The following PTH1R variants were observed in gnomAD, a reference collection of about 807,000 sequenced individuals.
PTH1R encodes parathyroid hormone/parathyroid hormone-related peptide receptor.
In PTH1R, 32 loss-of-function variants were observed where a neutral mutation model predicts 70.7. The observed-to-expected ratio is 0.45, with a 90% confidence interval of 0.34 to 0.61. The LOEUF is 0.61. Among genes scored for constraint, PTH1R ranks in the 20% least tolerant of loss-of-function variants. PTH1R has a pLI of 0.01. For missense variants in PTH1R, 626 were observed against 792.5 expected (o/e 0.79, Z 2.52); for synonymous variants, 329 against 324.8 (o/e 1.01, Z -0.14).
Position 46,901,614 on chromosome 3 carries a change from C to A in PTH1R, c.1116+134C>A. ...AGAGCTACAGAGGCCGGAGGACCAG[C>A]TGATCCACACTCCAGCCCAGAAAGG... On this transcript the variant is annotated intron_variant, in intron 12 of 15. Transcript: ENST00000449590. The surrounding 1 kb of genome is among the most constrained non-coding windows in gnomAD (Gnocchi z 7.3). The A allele has an allele frequency of 1.5e-6, 2 of 1,330,904 alleles. No homozygotes were observed. Among genetic ancestry groups the A allele is most frequent in the Non-Finnish European group, 2.1e-6 (2 of 951,692 alleles). The allele number at this position is 1,330,904 out of a possible 1,614,324, so 82.4% of individuals were successfully genotyped here. A position where few individuals can be genotyped will look rare whatever the true frequency, so the allele number is the denominator to read the frequency against.
At chr3:46,880,615 C>T (rs2030490462) in intron 1 of PTH1R, among the ~76,000 whole-genome samples, 1 of 152,114 alleles carries the variant, frequency 6.6e-6, no homozygotes, top group Non-Finnish European at 1.5e-5. Context: ...TGGTACACAC[C>T]TGTAGTCCCA....
chr3:46,902,419 G>A lies in PTH1R; in HGVS notation c.1212-107G>A, dbSNP rs2032178639. The A allele has an allele frequency of 6.8e-7, 1 of 1,463,396 alleles. No individual in the cohort carries two copies. Among genetic ancestry groups the A allele is most frequent in the Non-Finnish European group, 9.3e-7 (1 of 1,070,024 alleles). 90.7% of individuals were successfully genotyped at this position (1,463,396 alleles called of 1,614,324 possible). ...GTCCTCCCATGGTGACTGGAGCCCTGGGCCCCTTTGAGCTTCCGGAGCCTG... is the reference window on the plus strand; with the variant it reads ...GTCCTCCCATGGTGACTGGAGCCCTAGGCCCCTTTGAGCTTCCGGAGCCTG... On this transcript the variant is annotated intron_variant, in intron 13 of 15. Transcript: ENST00000449590. The surrounding 1 kb of genome is among the most constrained non-coding windows in gnomAD (Gnocchi z 5.4).
rs1410394619 is a variant in PTH1R, at chr3:46,903,700, A to G, written c.*44A>G. ...ACCTGCTGACATAGTGGATGGACAG[A>G]TGGACCAAAAGATGGGTGGTTGAAT... On this transcript the variant is annotated 3_prime_UTR_variant, in exon 16 of 16. Transcript: ENST00000449590. The surrounding 1 kb of genome is among the most constrained non-coding windows in gnomAD (Gnocchi z 4.4). The G allele has an allele frequency of 1.9e-6, 3 of 1,601,404 alleles. No individual in the cohort carries two copies. The highest frequency in any genetic ancestry group is 2.5e-6 in the Non-Finnish European group (3 of 1,179,904).
rs1007759832 is a variant in PTH1R at position 46,893,555 on chromosome 3, T to A, written c.76-352T>A. Among the ~76,000 whole-genome samples the A allele has an allele frequency of 1.3e-5, 2 of 151,618 alleles. No individual in the cohort carries two copies. The highest frequency in any genetic ancestry group is 4.9e-5 in the African/African-American group (2 of 41,214). On this transcript the variant is annotated intron_variant, in intron 3 of 15. Transcript: ENST00000449590. This position sits in a 1 kb window ranked among gnomAD's most constrained non-coding sequence, Gnocchi z 5.2. ...TCATGTCCCCAGCAGGCAGCCAGGA[T>A]CCTGTGTGGATCCATCCTGGGACAT...
Position 46,893,947 on chromosome 3 carries a change from T to A in PTH1R, c.116T>A (p.Phe39Tyr). Residue 39 changes from phenylalanine (F) to tyrosine (Y), a missense_variant, in exon 4 of 16, where the codon TTC (phenylalanine) becomes TAC (tyrosine). Physicochemically the swap from Phe to Tyr is conservative, Grantham distance 22. Coordinates refer to ENST00000449590, the MANE Select transcript of PTH1R (RefSeq NM_000316.3). The surrounding 1 kb of genome is among the most constrained non-coding windows in gnomAD (Gnocchi z 5.2). ...GTCATGACTAAAGAGGAACAGATCT[T>A]CCTGCTGCACCGTGCTCAGGCCCAG... Reference protein sequence around the residue: ...DDVMTKEEQIFLLHRAQAQCE... With the variant: ...DDVMTKEEQIYLLHRAQAQCE... 1 of 1,614,124 alleles carries A rather than the reference T, an allele frequency of 6.2e-7. No homozygotes were observed. Among genetic ancestry groups the A allele is most frequent in the Non-Finnish European group, 8.5e-7 (1 of 1,180,008 alleles).
At chr3:46,878,006 G>A (rs1333454126) in intron 1 of PTH1R, among the ~76,000 whole-genome samples, 163 bp downstream of exon 1, 1 of 152,212 alleles carries the variant, frequency 6.6e-6, no homozygotes, top group Non-Finnish European at 1.5e-5. Context: ...TGACAGCAGG[G>A]GGCTTGTAAC....
intron 3 of PTH1R, among the ~76,000 whole-genome samples, chr3:46,889,888 T>C (rs1330373094): frequency 6.6e-6 from 1 of 151,914 alleles, no homozygotes; most frequent in Non-Finnish European, 1.5e-5. Context: ...CTCTGCACCC[T>C]GGCGCTGAGC....
At chr3:46,888,399 C>G (rs755460930) in intron 3 of PTH1R, among the ~76,000 whole-genome samples, 1 of 152,210 alleles carries the variant, frequency 6.6e-6, no homozygotes, top group African/African-American at 2.4e-5. Context: ...GGGTTTTCTT[C>G]GGAATGTTTT....
chr3:46,897,987 G>A, intron 6 of PTH1R, 22 bp downstream of exon 6: 2 of 1,613,596 alleles, frequency 1.2e-6, no homozygotes, highest in East Asian at 2.2e-5. Context: ...TGGAAGGGGT[G>A]GGGATTACAA....
In PTH1R at chr3:46,903,605, G is replaced by A. The variant is rs1435412082; in HGVS notation, c.1731G>A (p.Gly577=). ...SCSGLDEEAS[G]PERPPALLQE... is the part of the protein sequence containing the mutation. ...CAGGCCTGGACGAGGAGGCCTCTGG[G>A]CCTGAGCGGCCACCTGCCCTGCTAC... is the stretch of plus-strand genomic sequence containing the variant. The change falls in exon 16 of 16, where the codon GGG becomes GGA. Residue 577 remains glycine, a synonymous_variant. Coordinates refer to ENST00000449590, the MANE Select transcript of PTH1R (RefSeq NM_000316.3). The surrounding 1 kb of genome is among the most constrained non-coding windows in gnomAD (Gnocchi z 4.4). 1 of 1,613,158 alleles carries A rather than the reference G, an allele frequency of 6.2e-7. No individual in the cohort carries two copies. Among genetic ancestry groups the A allele is most frequent in the East Asian group, 2.2e-5 (1 of 44,872 alleles).
In PTH1R at chr3:46,902,971, G is replaced by A. The variant is rs751121409; in HGVS notation, c.1395+181G>A. 1.1e-5 allele frequency: 11 copies of A among 1,016,894 alleles called. No homozygotes were observed. In the East Asian group the frequency reaches 1.5e-4, roughly 14 times the overall value. 63.0% of individuals were successfully genotyped at this position (1,016,894 alleles called of 1,614,324 possible). ...ATGCAGGTTCAGGATGTGCTAGGAT[G>A]TGGGGACTCTTCAGTCACTGGCATA... On this transcript the variant is annotated intron_variant, in intron 15 of 15. Coordinates refer to ENST00000449590, the MANE Select transcript of PTH1R (RefSeq NM_000316.3). The surrounding 1 kb of genome is among the most constrained non-coding windows in gnomAD (Gnocchi z 5.4).
chr3:46,898,864 A>T lies in PTH1R; in HGVS notation c.834+7A>T. 1 of 1,519,452 alleles carries T rather than the reference A, an allele frequency of 6.6e-7. No homozygotes were observed. The highest frequency in any genetic ancestry group is 8.8e-7 in the Non-Finnish European group (1 of 1,135,736). The allele number at this position is 1,519,452 out of a possible 1,614,324, so 94.1% of individuals were successfully genotyped here. ...CACCGCCGCTGCCGGCTACGTGAGT[A>T]CCCCTCTGCCCGCCCGCTCCCGGTG... On this transcript the variant is annotated splice_region_variant and intron_variant, in intron 9 of 15. Transcript: ENST00000449590.
Position 46,883,691 on chromosome 3 carries a change from C to T in PTH1R, c.75+57C>T. ...GGCTGCGGGCTTACCCTAGGGTCCG[C>T]GGGATAGGTCTAAGGCACGCAGTCT... On this transcript the variant is annotated intron_variant, in intron 3 of 15. Transcript: ENST00000449590. The surrounding 1 kb of genome is among the most constrained non-coding windows in gnomAD (Gnocchi z 6.4). 1 of 1,537,424 alleles carries T rather than the reference C, an allele frequency of 6.5e-7. No homozygotes were observed. The highest frequency in any genetic ancestry group is 8.8e-7 in the Non-Finnish European group (1 of 1,141,462).
intron 3 of PTH1R, among the ~76,000 whole-genome samples, chr3:46,890,018 C>T (rs2031307396): frequency 6.6e-6 from 1 of 152,184 alleles, no homozygotes; most frequent in Admixed American, 6.5e-5. Context: ...CCTTCATCCC[C>T]AGGAGATAAG....
intron 3 of PTH1R, among the ~76,000 whole-genome samples, chr3:46,886,417 G>A (rs1053924678): frequency 6.6e-6 from 1 of 152,192 alleles, no homozygotes; most frequent in Non-Finnish European, 1.5e-5. Context: ...GAGTGCAGTA[G>A]TGCGATCTCG....
At chr3:46,889,194 C>T (rs2031234778) in intron 3 of PTH1R, among the ~76,000 whole-genome samples, 1 of 152,170 alleles carries the variant, frequency 6.6e-6, no homozygotes, top group African/African-American at 2.4e-5. Flanking sequence ...TCTGGCTGTG[C>T]TGGAGGCATC....
In PTH1R at chr3:46,902,601, C is replaced by T. The variant is rs2032193542; in HGVS notation, c.1287C>T (p.Tyr429=). ...ACATTGTCTTCATGGCCACACCATA[C>T]ACCGAGGTCTCAGGGACGCTCTGGC... ...VHYIVFMATP[Y]TEVSGTLWQV... Residue 429 remains tyrosine (Y), a synonymous_variant, in exon 14 of 16, where the codon TAC becomes TAT. Transcript: ENST00000449590. The surrounding 1 kb of genome is among the most constrained non-coding windows in gnomAD (Gnocchi z 5.4). 6.2e-7 allele frequency: 1 copy of T among 1,613,938 alleles called. No homozygotes were observed. Among genetic ancestry groups the T allele is most frequent in the South Asian group, 1.1e-5 (1 of 91,066 alleles).
At position 46,901,476 on chromosome 3, in the gene PTH1R, T is replaced by C. The variant is rs140414216; in HGVS notation, c.1112T>C (p.Ile371Thr). ...ATCCAGGTGCCCATCCTGGCCTCCATTGTGGTGAGCAGGGGTGGGCTGCTG... is the reference window on the plus strand; with the variant it reads ...ATCCAGGTGCCCATCCTGGCCTCCACTGTGGTGAGCAGGGGTGGGCTGCTG... ...WIIQVPILAS[I>T]VLNFILFINI... Residue 371 changes from isoleucine to threonine, a missense_variant, in exon 12 of 16, where the codon ATT becomes ACT. Around this residue, in one of 3 missense-constraint regions of PTH1R, gnomAD observed 495 missense variants for 638.7 expected, o/e 0.77. Transcript: ENST00000449590. This position sits in a 1 kb window ranked among gnomAD's most constrained non-coding sequence, Gnocchi z 7.3. 40 of 1,570,166 alleles carry C rather than the reference T, an allele frequency of 2.5e-5. No individual in the cohort carries two copies. The East Asian group carries it at 2.8e-4, about 11-fold the overall frequency.
rs1238515596 is a variant in PTH1R, at chr3:46,892,692, C to T, written c.76-1215C>T. ...CCATGCCCGACCCGCCTTCTTCCTCCCCTGCCTCCTCTGGGTCCTCCCGCC... is the reference window on the plus strand; with the variant it reads ...CCATGCCCGACCCGCCTTCTTCCTCTCCTGCCTCCTCTGGGTCCTCCCGCC... On this transcript the variant is annotated intron_variant, in intron 3 of 15. Transcript: ENST00000449590. The surrounding 1 kb of genome is among the most constrained non-coding windows in gnomAD (Gnocchi z 5.2). 2.0e-6 allele frequency: 2 copies of T among 982,722 alleles called. No homozygotes were observed. The highest frequency in any genetic ancestry group is 1.7e-5 in the African/African-American group (1 of 57,198). 60.9% of individuals were successfully genotyped at this position (982,722 alleles called of 1,614,324 possible).
Sources: gnomAD v4.1 joint callset for allele counts (sites outside exome capture counted in the v4.1 genomes callset) on GRCh38, gnomAD v4.1.1 for gene constraint, gnomAD v4.1.1 regional missense constraint, Gnocchi (gnomAD v3.1) non-coding constraint, MANE v1.5 for transcripts, NCBI Gene and HGNC (gene_info 2026-07-23, HGNC 2026-07-21) for gene names.